The following FBXL7 variants were observed in gnomAD, a reference collection of about 807,000 sequenced individuals.
FBXL7 encodes the protein F-box/LRR-repeat protein 7.
In FBXL7, 12 loss-of-function variants were observed where a neutral mutation model predicts 38.3. The observed-to-expected ratio is 0.31, with a 90% CI of 0.20 to 0.51. The LOEUF (loss-of-function observed/expected upper bound fraction) is 0.51, where lower values mean the gene tolerates loss of function less well. Among genes scored for constraint, FBXL7 ranks in the 20% least tolerant of loss-of-function variants. The pLI, the probability that FBXL7 is intolerant of heterozygous loss-of-function variation, is 0.98. For synonymous variants in FBXL7, 297 were observed against 300.9 expected (o/e 0.99, Z 0.13); for missense variants, 567 against 676.4 (o/e 0.84, Z 1.79).
chr5:15,661,854 AG>A (rs1225142818), intron 2 of FBXL7, among the ~76,000 whole-genome samples: 9 of 152,208 alleles, frequency 5.9e-5, no homozygotes, highest in Non-Finnish European at 4.4e-5. Flanking sequence ...TTTCCACAAA[AG>A]ACATGATCCT....
intron 1 of FBXL7, among the ~76,000 whole-genome samples, chr5:15,510,531 A>G (rs1736766092): frequency 6.6e-6 from 1 of 152,174 alleles, no homozygotes; most frequent in Admixed American, 6.5e-5. Flanking sequence ...CAGGAAGAAG[A>G]AGAAGGTATG....
At chr5:15,915,624 C>T (rs1335257050) in intron 2 of FBXL7, among the ~76,000 whole-genome samples, 1 of 152,154 alleles carries the variant, frequency 6.6e-6, no homozygotes, top group African/African-American at 2.4e-5. Context: ...TTCACAGACA[C>T]AGGGCTGGTT....
intron 2 of FBXL7, among the ~76,000 whole-genome samples, chr5:15,645,746 G>GT (rs1313290114): frequency 6.6e-6 from 1 of 152,190 alleles, no homozygotes; most frequent in African/African-American, 2.4e-5. Context: ...AAGTATCATT[G>GT]TAACTCTTCA....
chr5:15,577,190 C>T (rs1416841270), intron 1 of FBXL7, among the ~76,000 whole-genome samples: 5 of 152,170 alleles, frequency 3.3e-5, no homozygotes, highest in South Asian at 4.1e-4. Context: ...CTTTACGGTC[C>T]GGTGACTAGC....
intron 2 of FBXL7, among the ~76,000 whole-genome samples, chr5:15,705,843 CA>C (rs760227022): frequency 1.3e-5 from 2 of 150,258 alleles, no homozygotes; most frequent in Admixed American, 6.6e-5. Flanking sequence ...TTTTTTTAAA[CA>C]AATAAATAAA....
chr5:15,911,389 C>T (rs1377389853), intron 2 of FBXL7, among the ~76,000 whole-genome samples: 27 of 129,170 alleles, frequency 2.1e-4, no homozygotes, highest in Non-Finnish European at 4.1e-4. Context: ...CTCCTTTAAG[C>T]ACTTCTCTGT....
chr5:15,847,709 C>G (rs1451827498), intron 2 of FBXL7, among the ~76,000 whole-genome samples: 2 of 152,054 alleles, frequency 1.3e-5, no homozygotes, highest in Non-Finnish European at 2.9e-5. Context: ...GGGAGATTAT[C>G]CAAGGAGGAC....
rs1358617415 is a variant in FBXL7, at chr5:15,895,837, G to A, written c.128-32053G>A. ...TTTTTTGTATTTTTAGTAGAGACGG[G>A]GTTTCACTCTGTTAGCCAGGATGGT... On this transcript the variant is annotated intron_variant, in intron 2 of 3. Transcript: ENST00000504595. Among the ~76,000 whole-genome samples the A allele has an allele frequency of 6.0e-5, 9 of 151,216 alleles. No individual in the cohort carries two copies. The East Asian group carries it at 1.8e-3, about 30-fold the overall frequency.
rs147776718 is a variant in FBXL7, at chr5:15,826,358, G to A, written c.128-101532G>A. 9.2e-5 allele frequency among the ~76,000 whole-genome samples: 14 copies of A among 152,236 alleles called. No homozygotes were observed. In the East Asian group the frequency reaches 9.7e-4, roughly 11 times the overall value. ...AACTTTTGTACTTCGAGAAAATAGC[G>A]TCTATAGGGTGTAGAATTCCATCTT... On this transcript the variant is annotated intron_variant, in intron 2 of 3. Transcript: ENST00000504595.
chr5:15,731,975 C>T (rs1216071245), intron 2 of FBXL7, among the ~76,000 whole-genome samples: 1 of 152,154 alleles, frequency 6.6e-6, no homozygotes, highest in Admixed American at 6.6e-5. Flanking sequence ...CTGTCCAGTG[C>T]GTATCCAAAT....
intron 2 of FBXL7, among the ~76,000 whole-genome samples, chr5:15,918,813 G>C (rs1468407164): frequency 2.0e-5 from 3 of 152,192 alleles, no homozygotes; most frequent in South Asian, 4.1e-4. Context: ...CTGATCCTGG[G>C]GGGTACCAAC....
chr5:15,855,032 C>A (rs778307344), intron 2 of FBXL7, among the ~76,000 whole-genome samples: 2 of 152,002 alleles, frequency 1.3e-5, no homozygotes, highest in Non-Finnish European at 2.9e-5. Flanking sequence ...AGTCAAAATC[C>A]ATTGTCTCTA....
At chr5:15,826,853 T>C (rs1454692204) in intron 2 of FBXL7, among the ~76,000 whole-genome samples, 3 of 151,948 alleles carry the variant, frequency 2.0e-5, no homozygotes, top group Non-Finnish European at 4.4e-5. Flanking sequence ...AGAGTAAAAC[T>C]GTGCTCCTTC....
intron 2 of FBXL7, among the ~76,000 whole-genome samples, chr5:15,884,275 C>CTTTCTTCT (rs1561172278): frequency 6.6e-5 from 7 of 106,622 alleles, no homozygotes; most frequent in Admixed American, 1.1e-4. Flanking sequence ...TTTCTTTCTT[C>CTTTCTTCT]TTTTTTTTTG....
intron 2 of FBXL7, among the ~76,000 whole-genome samples, chr5:15,819,545 T>A: frequency 6.6e-6 from 1 of 152,204 alleles, no homozygotes; most frequent in East Asian, 1.9e-4. Flanking sequence ...AAAGAATACC[T>A]TTTTTCTGTT....
intron 2 of FBXL7, among the ~76,000 whole-genome samples, chr5:15,729,660 T>C (rs1735519416): frequency 6.6e-6 from 1 of 152,198 alleles, no homozygotes; most frequent in Admixed American, 6.5e-5. Flanking sequence ...TGTTGTTATA[T>C]ATAGACAAAA....
At chr5:15,616,182 T>C in intron 2 of FBXL7, 110 bp downstream of exon 2, 2 of 632,436 alleles carry the variant, frequency 3.2e-6, no homozygotes. Context: ...TGGGAGCATA[T>C]GAGATCTTAA....
chr5:15,905,970 G>A (rs971008317), intron 2 of FBXL7, among the ~76,000 whole-genome samples: 4 of 151,520 alleles, frequency 2.6e-5, no homozygotes, highest in African/African-American at 4.9e-5. Flanking sequence ...TGCTGAATAC[G>A]CAACATCCTA....
intron 2 of FBXL7, among the ~76,000 whole-genome samples, chr5:15,731,271 A>C (rs1376091396): frequency 6.6e-6 from 1 of 152,326 alleles, no homozygotes; most frequent in Non-Finnish European, 1.5e-5. Context: ...GAGAACTCAC[A>C]GTTCCACGTG....
Sources: gnomAD v4.1 joint callset for allele counts (sites outside exome capture counted in the v4.1 genomes callset) on GRCh38, gnomAD v4.1.1 for gene constraint, MANE v1.5 for transcripts, NCBI Gene and HGNC (gene_info 2026-07-23, HGNC 2026-07-21) for gene names.